MAD1L1: variants seen among roughly 807,000 people sequenced by gnomAD.
MAD1L1 encodes the protein mitotic arrest deficient 1 like 1.
A neutral mutation model predicts 96.9 loss-of-function variants in MAD1L1; 95 were observed. The observed-to-expected ratio is 0.98, with a 90% CI of 0.83 to 1.16. The LOEUF (loss-of-function observed/expected upper bound fraction) is 1.16. Among genes scored for constraint, MAD1L1 ranks in the 50% most tolerant of loss-of-function variants. The probability of loss-of-function intolerance (pLI) is 0.00; values close to 1 mark genes in which losing one functional copy is unlikely to be tolerated. For synonymous variants in MAD1L1, 473 were observed against 396.6 expected, an observed-to-expected ratio of 1.19 and a Z score of -2.29; for missense variants, 1,007 against 954.4, an observed-to-expected ratio of 1.06 and a Z score of -0.73.
chr7:1,895,806 A>T (rs1786828936), intron 18 of MAD1L1, among the ~76,000 whole-genome samples: 2 of 152,216 alleles, frequency 1.3e-5, no homozygotes, highest in Non-Finnish European at 2.9e-5. Context: ...GGACCTGCAA[A>T]GTCACATTCA....
intron 10 of MAD1L1, among the ~76,000 whole-genome samples, chr7:2,192,122 G>T (rs1231118835): frequency 2.6e-5 from 4 of 151,792 alleles, no homozygotes; most frequent in African/African-American, 2.4e-5. Context: ...AATCCATGGG[G>T]TTTTTTGTTT....
At chr7:2,127,940 T>C (rs1287913351) in intron 11 of MAD1L1, among the ~76,000 whole-genome samples, 1 of 152,096 alleles carries the variant, frequency 6.6e-6, no homozygotes, top group Admixed American at 6.5e-5. Flanking sequence ...GCAAGAGACT[T>C]CTGCTCGCAC....
intron 11 of MAD1L1, among the ~76,000 whole-genome samples, chr7:2,078,263 G>A (rs1375207474): frequency 6.6e-6 from 1 of 152,178 alleles, no homozygotes; most frequent in Non-Finnish European, 1.5e-5. Flanking sequence ...CTACCTGCAG[G>A]ATCCCCCACG....
chr7:2,186,272 G>C (rs1387847562), intron 10 of MAD1L1, among the ~76,000 whole-genome samples: 2 of 152,284 alleles, frequency 1.3e-5, no homozygotes, highest in South Asian at 4.1e-4. Context: ...CTAAATCTGT[G>C]TGTTAATAGC....
chr7:2,061,158 GA>G (rs1202797924), intron 12 of MAD1L1, among the ~76,000 whole-genome samples: 1 of 151,928 alleles, frequency 6.6e-6, no homozygotes, highest in African/African-American at 2.4e-5. Flanking sequence ...CCAACATGGT[GA>G]GACCCCATCT....
intron 12 of MAD1L1, among the ~76,000 whole-genome samples, chr7:2,062,909 G>A (rs973491031): frequency 5.3e-5 from 8 of 152,178 alleles, no homozygotes; most frequent in Admixed American, 1.3e-4. Context: ...TCCCAGGGAC[G>A]AAGGTCAAAA....
At chr7:1,967,880 C>T (rs1397894903) in intron 15 of MAD1L1, among the ~76,000 whole-genome samples, 1 of 148,398 alleles carries the variant, frequency 6.7e-6, no homozygotes, top group Non-Finnish European at 1.5e-5. Context: ...CCGGTGCGTG[C>T]ACCAGATCAG....
intron 16 of MAD1L1, among the ~76,000 whole-genome samples, chr7:1,949,142 G>T (rs1779370649): frequency 6.6e-6 from 1 of 151,666 alleles, no homozygotes; most frequent in Non-Finnish European, 1.5e-5. Flanking sequence ...AGGGGCCCGG[G>T]GCACGGCCCC....
chr7:2,156,574 C>A (rs946827840), intron 10 of MAD1L1, among the ~76,000 whole-genome samples: 24 of 152,304 alleles, frequency 1.6e-4, no homozygotes, highest in Non-Finnish European at 2.5e-4. Flanking sequence ...AATGCCAGCA[C>A]TTTGGGAGGC....
At chr7:2,126,430 G>T (rs369397819) in intron 11 of MAD1L1, among the ~76,000 whole-genome samples, 11 of 152,328 alleles carry the variant, frequency 7.2e-5, no homozygotes, top group Non-Finnish European at 8.8e-5. Flanking sequence ...GAGGCCCCCA[G>T]CCTGGACCCC....
chr7:1,853,218 C>T (rs959497351), intron 18 of MAD1L1, among the ~76,000 whole-genome samples: 2 of 152,188 alleles, frequency 1.3e-5, no homozygotes, highest in African/African-American at 2.4e-5. Flanking sequence ...CTAACAGCAG[C>T]GGCACTGCTG....
intron 14 of MAD1L1, 190 bp from the exon 15 acceptor site, chr7:1,980,731 T>C: frequency 1.4e-6 from 1 of 692,050 alleles, no homozygotes; most frequent in Non-Finnish European, 2.7e-6. Context: ...CAAACTCAAG[T>C]TCTCTCATTT....
chr7:2,084,568 C>A (rs967399189), intron 11 of MAD1L1, among the ~76,000 whole-genome samples: 2 of 152,254 alleles, frequency 1.3e-5, no homozygotes, highest in Admixed American at 6.5e-5. Flanking sequence ...CAGCTCAGTG[C>A]GGAGTCCTAG....
chr7:1,872,173 C>T (rs539867757), intron 18 of MAD1L1, among the ~76,000 whole-genome samples: 2 of 152,332 alleles, frequency 1.3e-5, no homozygotes, highest in South Asian at 2.1e-4. Flanking sequence ...ACACCTACCC[C>T]GCAGGGCTGC....
chr7:2,058,759 A>G (rs1784496521), intron 12 of MAD1L1, among the ~76,000 whole-genome samples: 1 of 90,500 alleles, frequency 1.1e-5, no homozygotes, highest in Non-Finnish European at 2.2e-5. Flanking sequence ...GGAGAGAAGC[A>G]GGGCTGGAGA....
At chr7:2,010,070 GTTTTTTTTTT>G (rs56012894) in intron 13 of MAD1L1, among the ~76,000 whole-genome samples, 1 of 89,794 alleles carries the variant, frequency 1.1e-5, no homozygotes, top group Non-Finnish European at 2.1e-5. Context: ...TTTTTAACAG[GTTTTTTTTTT>G]TTTTTTTTTT....
At chr7:2,047,169 C>T (rs2128514932) in intron 12 of MAD1L1, among the ~76,000 whole-genome samples, 1 of 152,310 alleles carries the variant, frequency 6.6e-6, no homozygotes, top group East Asian at 1.9e-4. Context: ...CCCCAGCTCC[C>T]CAGGGCTGCT....
At chr7:2,216,993 C>T (rs1274555696) in intron 7 of MAD1L1, among the ~76,000 whole-genome samples, 1 of 152,160 alleles carries the variant, frequency 6.6e-6, no homozygotes, top group East Asian at 1.9e-4. Context: ...GGCATTCACA[C>T]TGCACACTGC....
In MAD1L1 at chr7:2,002,121, C is replaced by T. The variant is rs1391161843; in HGVS notation, c.1360G>A (p.Ala454Thr). 1 of 1,612,998 alleles carries T rather than the reference C, an allele frequency of 6.2e-7. No homozygotes were observed. Among genetic ancestry groups the T allele is most frequent in the Admixed American group, 1.7e-5 (1 of 60,032 alleles). Residue 454 changes from alanine to threonine, a missense_variant and splice_region_variant, in exon 14 of 19, where the codon GCT (alanine) becomes ACT (threonine). Physicochemically the swap from Ala to Thr is moderately conservative, Grantham distance 58. Transcript: ENST00000265854. ...TCCTCCAGGGCCTGCGACAGCTGAG[C>T]CTGCAAGACAAGACAGGATTCGGCC... Reference protein sequence around the residue: ...KVHSHSAEMEAQLSQALEELG... With the variant: ...KVHSHSAEMETQLSQALEELG...
Sources: gnomAD v4.1 joint callset for allele counts (sites outside exome capture counted in the v4.1 genomes callset) on GRCh38, gnomAD v4.1.1 for gene constraint, MANE v1.5 for transcripts, NCBI Gene and HGNC (gene_info 2026-07-23, HGNC 2026-07-21) for gene names.